Variants in FHIT observed in about 807,000 individuals in gnomAD.
FHIT encodes fragile histidine triad diadenosine triphosphatase.
A neutral mutation model predicts 17.9 loss-of-function variants in FHIT; 19 were observed. That is an observed-to-expected ratio of 1.06 (90% CI 0.74 to 1.56). FHIT has a LOEUF of 1.56. Among genes scored for constraint, FHIT ranks in the 40% most tolerant of loss-of-function variants. The pLI is 0.00. For missense variants in FHIT, 248 were observed against 189.2 expected (o/e 1.31, Z -1.82); for synonymous variants, 81 against 69.7 (o/e 1.16, Z -0.81).
chr3:59,952,795 G>A (rs1469251217), intron 7 of FHIT, among the ~76,000 whole-genome samples: 2 of 152,100 alleles, frequency 1.3e-5, no homozygotes, highest in African/African-American at 4.8e-5. Context: ...GATTTGGAGG[G>A]CTAGAGGGTG....
intron 5 of FHIT, among the ~76,000 whole-genome samples, chr3:60,072,386 G>A (rs1487225655): frequency 3.3e-5 from 5 of 151,970 alleles, no homozygotes; most frequent in Non-Finnish European, 7.4e-5. Flanking sequence ...AAACCTTGTG[G>A]CCCATACCAT....
chr3:59,816,181 T>C (rs1700593660), intron 8 of FHIT, among the ~76,000 whole-genome samples: 1 of 152,190 alleles, frequency 6.6e-6, no homozygotes, highest in South Asian at 2.1e-4. Context: ...GGTGAGTTCT[T>C]CTGTGCCTCA....
intron 8 of FHIT, among the ~76,000 whole-genome samples, chr3:59,798,720 C>T (rs555293694): frequency 6.6e-6 from 1 of 152,286 alleles, no homozygotes; most frequent in Non-Finnish European, 1.5e-5. Flanking sequence ...AACAGGATGA[C>T]CATGGGCAGG....
At chr3:61,026,193 A>G (rs2032722232) in intron 3 of FHIT, among the ~76,000 whole-genome samples, 2 of 152,154 alleles carry the variant, frequency 1.3e-5, no homozygotes, top group African/African-American at 4.8e-5. Context: ...AATGAAGAGT[A>G]AAAGAGGAGA....
chr3:61,195,968 C>T (rs2038841784), intron 2 of FHIT, among the ~76,000 whole-genome samples: 1 of 151,832 alleles, frequency 6.6e-6, no homozygotes, highest in Admixed American at 6.6e-5. Flanking sequence ...TAACAAATAC[C>T]ATTCGGCTTA....
At chr3:60,024,713 C>A (rs1293906912) in intron 5 of FHIT, among the ~76,000 whole-genome samples, 1 of 152,198 alleles carries the variant, frequency 6.6e-6, no homozygotes, top group Non-Finnish European at 1.5e-5. Context: ...AAGGGCAAGA[C>A]CGTAACAAGC....
chr3:60,693,171 T>C (rs1405684624), intron 4 of FHIT, among the ~76,000 whole-genome samples: 2 of 152,230 alleles, frequency 1.3e-5, no homozygotes, highest in South Asian at 2.1e-4. Context: ...TACTCCAATA[T>C]GAATTTAATT....
At chr3:60,206,401 G>A (rs1703192823) in intron 5 of FHIT, among the ~76,000 whole-genome samples, 1 of 152,200 alleles carries the variant, frequency 6.6e-6, no homozygotes, top group African/African-American at 2.4e-5. Flanking sequence ...AGGGTTATGA[G>A]AGTTTCTGAA....
chr3:60,614,612 T>A lies in FHIT; in HGVS notation c.-17-77633A>T, dbSNP rs561767621. Reference sequence around the variant, plus strand: ...AAGAACAAAACACCTCAAAAAAAATTAATAAATAAATAAATAACCTAAGTC... The same window carrying A: ...AAGAACAAAACACCTCAAAAAAAATAAATAAATAAATAAATAACCTAAGTC... On this transcript the variant is annotated intron_variant, in intron 4 of 9. Coordinates refer to ENST00000492590, the MANE Select transcript of FHIT (RefSeq NM_002012.4). 7.9e-3 allele frequency among the ~76,000 whole-genome samples: 1,205 copies of A among 151,600 alleles called. 16 individuals are homozygous for A. The highest frequency in any genetic ancestry group is 0.027 in the African/African-American group (1,108 of 41,288).
chr3:60,553,368 G>T, intron 4 of FHIT: 11 of 979,548 alleles, frequency 1.1e-5, no homozygotes, highest in Non-Finnish European at 1.3e-5. Flanking sequence ...TACGTAATGT[G>T]AATCAGCAAC....
chr3:61,098,290 T>C (rs1324997169), intron 2 of FHIT, among the ~76,000 whole-genome samples: 1 of 152,170 alleles, frequency 6.6e-6, no homozygotes, highest in Non-Finnish European at 1.5e-5. Flanking sequence ...GGTTCTCTAA[T>C]CTGTTCCATT....
intron 5 of FHIT, among the ~76,000 whole-genome samples, chr3:60,200,297 G>C (rs213298): frequency 0.53 from 80,682 of 151,814 alleles, 21,794 homozygotes; most frequent in East Asian, 0.82. Flanking sequence ...CCACATTTTA[G>C]GGCCTGATGT....
intron 8 of FHIT, among the ~76,000 whole-genome samples, chr3:59,810,152 G>C (rs1700357337): frequency 6.6e-6 from 1 of 152,124 alleles, no homozygotes; most frequent in Non-Finnish European, 1.5e-5. Flanking sequence ...GGTGTGAAAG[G>C]CTGTACTGGT....
intron 5 of FHIT, among the ~76,000 whole-genome samples, chr3:60,317,635 G>GTGTGTA (rs1553742597): frequency 2.2e-5 from 3 of 134,470 alleles, no homozygotes; most frequent in South Asian, 2.3e-4. Context: ...GTGTGTGTGT[G>GTGTGTA]TATATATATA....
chr3:60,541,442 C>T (rs1195323745), intron 4 of FHIT, among the ~76,000 whole-genome samples: 2 of 152,094 alleles, frequency 1.3e-5, no homozygotes, highest in Non-Finnish European at 2.9e-5. Flanking sequence ...TTAGCTGTAC[C>T]ACTTTGATTT....
intron 5 of FHIT, among the ~76,000 whole-genome samples, chr3:60,292,376 CG>C (rs1157526648): frequency 3.3e-5 from 3 of 90,484 alleles, no homozygotes; most frequent in South Asian, 3.2e-4. Flanking sequence ...ATCCTCAACA[CG>C]TTGGGAGTTC....
rs532125480 is a variant in FHIT at position 60,267,041 on chromosome 3, A to C, written c.104-252889T>G. 4.6e-5 allele frequency among the ~76,000 whole-genome samples: 7 copies of C among 152,248 alleles called. No homozygotes were observed. In the South Asian group the frequency reaches 1.4e-3, roughly 32 times the overall value. ...TATTAATTTCATCAAATTTGCAGTA[A>C]AATTACATTGAGATAAGGGACAGAA... is the stretch of plus-strand genomic sequence containing the variant. On this transcript the variant is annotated intron_variant, in intron 5 of 9. Transcript: ENST00000492590.
chr3:59,802,618 C>T (rs1700043889), intron 8 of FHIT, among the ~76,000 whole-genome samples: 1 of 152,096 alleles, frequency 6.6e-6, no homozygotes, highest in Admixed American at 6.5e-5. Context: ...AACGGCCCCA[C>T]CCCATCTGCC....
chr3:60,560,836 C>G (rs71627037), intron 4 of FHIT, among the ~76,000 whole-genome samples: 3 of 132,974 alleles, frequency 2.3e-5, no homozygotes, highest in Non-Finnish European at 3.3e-5. Flanking sequence ...CACACACACA[C>G]ACACACACAG....
Sources: allele counts gnomAD v4.1 joint callset (sites outside exome capture counted in the v4.1 genomes callset), GRCh38; gene constraint gnomAD v4.1.1; transcripts MANE v1.5; gene names NCBI Gene and HGNC (gene_info 2026-07-23, HGNC 2026-07-21).